GINM1: variants seen among roughly 807,000 people sequenced by gnomAD.
The protein encoded by GINM1 is glycosylated integral membrane protein 1, also known as glycoprotein integral membrane protein 1.
A neutral mutation model predicts 37.8 loss-of-function variants in GINM1; 29 were observed. That is an observed-to-expected ratio of 0.77 (90% CI 0.57 to 1.05). The LOEUF is 1.05. Among genes scored for constraint, GINM1 ranks in the 50% least tolerant of loss-of-function variants. The pLI is 0.00. For missense variants in GINM1, 377 were observed against 397.9 expected (o/e 0.95, Z 0.45); for synonymous variants, 143 against 146.2 (o/e 0.98, Z 0.16).
chr6:149,570,197 T>A lies in GINM1; in HGVS notation c.121-2088T>A, dbSNP rs868516966. ...ATATATATATATATATATATATATA[T>A]AAAGTTCAGTAACTTGCTAACAATA... On this transcript the variant is annotated intron_variant, in intron 1 of 7. Transcript: ENST00000367419. 6.6e-3 allele frequency among the ~76,000 whole-genome samples: 664 copies of A among 100,602 alleles called. 10 individuals carry two copies. The highest frequency in any genetic ancestry group is 9.1e-3 in the Non-Finnish European group (448 of 49,276). The allele number at this position is 100,602 out of a possible 152,430, so 66.0% of individuals were successfully genotyped here. A position where few individuals can be genotyped will look rare whatever the true frequency, so the allele number is the denominator to read the frequency against.
At chr6:149,573,393 C>T (rs1189787258) in intron 3 of GINM1, among the ~76,000 whole-genome samples, 6 of 152,158 alleles carry the variant, frequency 3.9e-5, no homozygotes, top group Admixed American at 2.0e-4. Flanking sequence ...CATGCCACTG[C>T]ACTCCAGCAT....
intron 1 of GINM1, among the ~76,000 whole-genome samples, chr6:149,570,561 G>C (rs1777804186): frequency 6.6e-6 from 1 of 152,088 alleles, no homozygotes; most frequent in South Asian, 2.1e-4. Flanking sequence ...TATGATGTTG[G>C]TCTTGTGTGG....
intron 1 of GINM1, 94 bp from the exon 2 acceptor site, chr6:149,572,191 T>C: frequency 1.4e-6 from 1 of 702,508 alleles, no homozygotes; most frequent in Non-Finnish European, 2.5e-6. Context: ...TAAGTGATTG[T>C]ACAATAGATA....
intron 1 of GINM1, among the ~76,000 whole-genome samples, chr6:149,572,059 G>A (rs142532790): frequency 2.1e-4 from 32 of 149,928 alleles, no homozygotes; most frequent in African/African-American, 7.3e-4. Context: ...CCAGCCTGGC[G>A]ACAAAGTGAG....
chr6:149,569,048 G>T (rs1451223843), intron 1 of GINM1, among the ~76,000 whole-genome samples: 2 of 151,264 alleles, frequency 1.3e-5, no homozygotes, highest in African/African-American at 2.4e-5. Flanking sequence ...TTATTTTTGA[G>T]AGAGAGTCTC....
At chr6:149,572,380 G>T in intron 2 of GINM1, 36 bp downstream of exon 2, 4 of 1,423,992 alleles carry the variant, frequency 2.8e-6, no homozygotes, top group Non-Finnish European at 3.9e-6. Flanking sequence ...ATATAATTTA[G>T]CTAAGTGCTA....
At chr6:149,574,111 C>T (rs62439783) in intron 3 of GINM1, among the ~76,000 whole-genome samples, 12,084 of 144,626 alleles carry the variant, frequency 0.084, 786 homozygotes, top group East Asian at 0.28. Flanking sequence ...AATGCAGTGG[C>T]GCGATCTCGG....
At chr6:149,571,728 T>C (rs1208983402) in intron 1 of GINM1, among the ~76,000 whole-genome samples, 1 of 152,160 alleles carries the variant, frequency 6.6e-6, no homozygotes, top group Non-Finnish European at 1.5e-5. Context: ...TTTTAAACTC[T>C]ATATTTGCAT....
intron 7 of GINM1, among the ~76,000 whole-genome samples, chr6:149,590,521 T>G (rs1778138713): frequency 6.6e-6 from 1 of 152,200 alleles, no homozygotes; most frequent in African/African-American, 2.4e-5. Flanking sequence ...ATGAACTTCC[T>G]CGATGCCTTT....
At chr6:149,589,168 C>T (rs999021920) in intron 7 of GINM1, among the ~76,000 whole-genome samples, 3 of 151,750 alleles carry the variant, frequency 2.0e-5, no homozygotes, top group Admixed American at 2.0e-4. Context: ...AGGCTGGACT[C>T]CTTGGGCCCA....
intron 3 of GINM1, among the ~76,000 whole-genome samples, chr6:149,577,843 A>G (rs1582734951): frequency 1.3e-5 from 2 of 152,276 alleles, no homozygotes; most frequent in Admixed American, 1.3e-4. Flanking sequence ...TAGCACTTCT[A>G]CCTTAATAGA....
chr6:149,566,645 C>A lies in GINM1; in HGVS notation c.120+111C>A. 1 of 1,334,910 alleles carries A rather than the reference C, an allele frequency of 7.5e-7. No individual in the cohort carries two copies. Among genetic ancestry groups the A allele is most frequent in the Non-Finnish European group, 9.7e-7 (1 of 1,031,534 alleles). 82.7% of individuals were successfully genotyped at this position (1,334,910 alleles called of 1,614,324 possible). On this transcript the variant is annotated intron_variant, in intron 1 of 7. Transcript: ENST00000367419. The surrounding 1 kb of genome is among the most constrained non-coding windows in gnomAD (Gnocchi z 4.4). ...CCACCGGCGGGCAGGGGCGGGGGTCCGGGCCCCCGAAGGAGGTGTGGGGAG... is the reference window on the plus strand; with the variant it reads ...CCACCGGCGGGCAGGGGCGGGGGTCAGGGCCCCCGAAGGAGGTGTGGGGAG...
chr6:149,568,121 A>G (rs1430777777), intron 1 of GINM1, among the ~76,000 whole-genome samples: 3 of 152,246 alleles, frequency 2.0e-5, no homozygotes, highest in Non-Finnish European at 2.9e-5. Context: ...GGAAATTCAC[A>G]TATTACGCTG....
intron 7 of GINM1, among the ~76,000 whole-genome samples, chr6:149,584,861 A>G (rs750618711): frequency 6.6e-5 from 10 of 151,608 alleles, no homozygotes; most frequent in East Asian, 1.9e-4. Context: ...GGATCTTGCT[A>G]TGTTGGCTAG....
At position 149,566,598 on chromosome 6, in the gene GINM1, C is replaced by G. The variant is rs1230544679; in HGVS notation, c.120+64C>G. Reference sequence around the variant, plus strand: ...CGACTCTCCGGGAGGCCCGGGCTGTCCACAGTGACGCTTCCCACATCCCAC... The same window carrying G: ...CGACTCTCCGGGAGGCCCGGGCTGTGCACAGTGACGCTTCCCACATCCCAC... On this transcript the variant is annotated intron_variant, in intron 1 of 7. Coordinates refer to ENST00000367419, the MANE Select transcript of GINM1 (RefSeq NM_138785.5). This position sits in a 1 kb window ranked among gnomAD's most constrained non-coding sequence, Gnocchi z 4.4. 2.1e-6 allele frequency: 3 copies of G among 1,403,718 alleles called. No homozygotes were observed. Among genetic ancestry groups the G allele is most frequent in the East Asian group, 6.0e-5 (2 of 33,258 alleles). 87.0% of individuals were successfully genotyped at this position (1,403,718 alleles called of 1,614,324 possible). A position where few individuals can be genotyped will look rare whatever the true frequency, so the allele number is the denominator to read the frequency against.
At chr6:149,585,796 G>A (rs999981761) in intron 7 of GINM1, among the ~76,000 whole-genome samples, 3 of 152,092 alleles carry the variant, frequency 2.0e-5, no homozygotes, top group East Asian at 3.9e-4. Context: ...GTTTCACTGT[G>A]TTAGCCAGGA....
rs1406676834 is a variant in GINM1, at chr6:149,566,401, C to G, written c.-14C>G. 14 of 1,553,686 alleles carry G rather than the reference C, an allele frequency of 9.0e-6. No homozygotes were observed. The highest frequency in any genetic ancestry group is 1.0e-5 in the Non-Finnish European group (12 of 1,161,102). ...CCTCCCGGCCGCGGCTGCCCTCTGC[C>G]CGGGTTGTCCAAGATGGAGGGCGCT... On this transcript the variant is annotated 5_prime_UTR_variant, in exon 1 of 8. Transcript: ENST00000367419. The surrounding 1 kb of genome is among the most constrained non-coding windows in gnomAD (Gnocchi z 4.4).
At chr6:149,584,364 A>G (rs1778041864) in intron 7 of GINM1, 1 of 152,200 alleles carries the variant, frequency 6.6e-6, no homozygotes, top group African/African-American at 2.4e-5. Context: ...ATTGCATTAT[A>G]CTGTTATGTA....
At chr6:149,580,985 C>T (rs1483331224) in intron 6 of GINM1, among the ~76,000 whole-genome samples, 2 of 152,170 alleles carry the variant, frequency 1.3e-5, no homozygotes, top group South Asian at 2.1e-4. Context: ...AGTTATTTCT[C>T]ATATCCAGAT....
Sources: gnomAD v4.1 joint callset for allele counts (sites outside exome capture counted in the v4.1 genomes callset) on GRCh38, gnomAD v4.1.1 for gene constraint, Gnocchi (gnomAD v3.1) non-coding constraint, MANE v1.5 for transcripts, NCBI Gene and HGNC (gene_info 2026-07-23, HGNC 2026-07-21) for gene names.